CHLSN: variants seen among roughly 807,000 people sequenced by gnomAD.
CHLSN encodes the protein protein cholesin.
chr7:1,117,621 GGATGATGA>G, the CHLSN span, among the ~76,000 whole-genome samples: 1 of 133,854 alleles, frequency 7.5e-6, no homozygotes, highest in Non-Finnish European at 1.6e-5. Flanking sequence ...CGCTCACGCA[GGATGATGA>G]CATCACTACA....
chr7:1,058,728 G>C, the CHLSN span: 1 of 587,638 alleles, frequency 1.7e-6, no homozygotes, highest in Non-Finnish European at 3.1e-6. Context: ...TCTCCCCGAG[G>C]CCTGTGCGTC....
At chr7:1,030,826 G>A in the CHLSN span, among the ~76,000 whole-genome samples, 1 of 152,138 alleles carries the variant, frequency 6.6e-6, no homozygotes, top group African/African-American at 2.4e-5. Context: ...TCTCTGGGCA[G>A]GTGCCACCAT....
At chr7:1,093,938 C>A in the CHLSN span, 28 of 328,894 alleles carry the variant, frequency 8.5e-5, no homozygotes, top group Non-Finnish European at 1.6e-4. Context: ...TGAAAACTCT[C>A]ACAAGGCCAG....
chr7:1,063,225 T>C, the CHLSN span, among the ~76,000 whole-genome samples: 1 of 152,218 alleles, frequency 6.6e-6, no homozygotes, highest in Non-Finnish European at 1.5e-5. Context: ...CACGCGACGC[T>C]GTCCCCAAAC....
the CHLSN span, among the ~76,000 whole-genome samples, chr7:1,008,778 A>G: frequency 8.5e-5 from 13 of 152,156 alleles, no homozygotes; most frequent in East Asian, 2.3e-3. Context: ...ACACACACGC[A>G]CACACGCACA....
chr7:1,098,403 C>T, the CHLSN span, among the ~76,000 whole-genome samples: 10 of 152,270 alleles, frequency 6.6e-5, no homozygotes, highest in South Asian at 2.1e-4. Context: ...GACGGAGAAA[C>T]GAAATCAATC....
the CHLSN span, among the ~76,000 whole-genome samples, chr7:1,022,088 C>T: frequency 6.6e-6 from 1 of 152,218 alleles, no homozygotes; most frequent in African/African-American, 2.4e-5. Context: ...CTGGACAGGG[C>T]AACCAACCCT....
chr7:1,010,505 G>A, the CHLSN span, among the ~76,000 whole-genome samples: 4 of 152,310 alleles, frequency 2.6e-5, no homozygotes, highest in South Asian at 2.1e-4. Flanking sequence ...AGGGAGGGCT[G>A]AAGGTGTGCT....
the CHLSN span, among the ~76,000 whole-genome samples, chr7:1,113,145 C>T: frequency 2.0e-4 from 30 of 151,944 alleles, no homozygotes; most frequent in African/African-American, 6.5e-4. Flanking sequence ...GGACTCTGGA[C>T]GAGCTCTGTG....
chr7:1,041,354 GGGGGCCTGGGGTCCGCGCTGCAGGGGAAC>G, the CHLSN span, among the ~76,000 whole-genome samples: 55 of 81,134 alleles, frequency 6.8e-4, no homozygotes, highest in African/African-American at 2.8e-3. Flanking sequence ...CTGCGGGGAA[GGGGGCCTGGGGTCCGCGCTGCAGGGGAAC>G]GGGACCTGGG....
At chr7:1,127,481 T>TAA in the CHLSN span, 747 of 915,142 alleles carry the variant, frequency 8.2e-4, no homozygotes, top group Non-Finnish European at 9.1e-4. Context: ...ACTCTCCCAT[T>TAA]AAAAAAAAAA....
chr7:995,147 G>A, the CHLSN span, among the ~76,000 whole-genome samples: 2 of 152,262 alleles, frequency 1.3e-5, no homozygotes, highest in African/African-American at 4.8e-5. Flanking sequence ...CAGCACATGT[G>A]GCCCGACGTG....
At chr7:1,123,696 C>G in the CHLSN span, among the ~76,000 whole-genome samples, 1 of 152,020 alleles carries the variant, frequency 6.6e-6, no homozygotes, top group Admixed American at 6.6e-5. This position sits in a 1 kb window ranked among gnomAD's most constrained non-coding sequence, Gnocchi z 4.4. Flanking sequence ...GAGACTGGCT[C>G]CCAGACATAC....
the CHLSN span, chr7:997,674 AG>A: frequency 5.8e-5 from 93 of 1,609,904 alleles, 1 homozygote; most frequent in South Asian, 6.6e-4. Context: ...CCTCCCCGGC[AG>A]GGGGGGATCA....
the CHLSN span, among the ~76,000 whole-genome samples, chr7:1,027,698 C>T: frequency 6.6e-6 from 1 of 152,278 alleles, no homozygotes; most frequent in Non-Finnish European, 1.5e-5. Context: ...GTGGGGGCCG[C>T]CTTGCCTCAG....
At chr7:1,045,177 G>A in the CHLSN span, among the ~76,000 whole-genome samples, 1 of 152,224 alleles carries the variant, frequency 6.6e-6, no homozygotes. Context: ...ACTACCAGCA[G>A]CAGAAAACCC....
chr7:1,002,881 G>T, the CHLSN span, among the ~76,000 whole-genome samples: 6 of 101,748 alleles, frequency 5.9e-5, no homozygotes, highest in Non-Finnish European at 1.0e-4. Context: ...CCTGTGGGTG[G>T]GGAGTCCTTG....
chr7:1,040,354 G>C, the CHLSN span, among the ~76,000 whole-genome samples: 2 of 152,004 alleles, frequency 1.3e-5, no homozygotes, highest in Non-Finnish European at 2.9e-5. Context: ...AATTAGACAA[G>C]CATGGTGGCA....
chr7:1,053,307 C>T, the CHLSN span, among the ~76,000 whole-genome samples: 48 of 152,248 alleles, frequency 3.2e-4, no homozygotes, highest in African/African-American at 9.4e-4. Flanking sequence ...GGTGTGGCGA[C>T]GGCGGGGGAG....
Sources: gnomAD v4.1 joint callset for allele counts (sites outside exome capture counted in the v4.1 genomes callset) on GRCh38, gnomAD v4.1.1 for gene constraint, Gnocchi (gnomAD v3.1) non-coding constraint, MANE v1.5 for transcripts, NCBI Gene and HGNC (gene_info 2026-07-23, HGNC 2026-07-21) for gene names.